The following LGALS14 variants were observed in gnomAD, a reference collection of about 807,000 sequenced individuals.
LGALS14 encodes galectin 14, also known as placental protein 13-like.
Under a neutral mutation model 14.6 loss-of-function variants are expected in LGALS14, and 14 were observed. That is an observed-to-expected ratio of 0.96 (90% CI 0.64 to 1.50). The LOEUF is 1.50. LGALS14 is among the 40% of genes most tolerant of loss of function. The pLI, the probability that LGALS14 is intolerant of heterozygous loss-of-function variation, is 0.00. For missense variants in LGALS14, 180 were observed against 172.0 expected, an observed-to-expected ratio of 1.05 and a Z score of -0.26; for synonymous variants, 57 against 63.9, an observed-to-expected ratio of 0.89 and a Z score of 0.51.
chr19:39,704,852 G>C (rs550495476), intron 1 of LGALS14, among the ~76,000 whole-genome samples: 1 of 152,170 alleles, frequency 6.6e-6, no homozygotes, highest in Non-Finnish European at 1.5e-5. Context: ...GTGTGAGTGA[G>C]TGTAAGGGGG....
chr19:39,706,156 G>T lies in LGALS14; in HGVS notation c.16-441G>T, dbSNP rs548166729. ...CATTTTCTGAGTTGAAAATAAGGCA[G>T]GTCAGTGTTTCAGGAGGACTCCCCT... On this transcript the variant is annotated intron_variant, in intron 1 of 3. Coordinates refer to ENST00000392052, the MANE Select transcript of LGALS14 (RefSeq NM_020129.3). 154 of 1,206,140 alleles carry T rather than the reference G, an allele frequency of 1.3e-4. No individual in the cohort carries two copies. In the Middle Eastern group the frequency reaches 3.4e-3, roughly 27 times the overall value. The allele number at this position is 1,206,140 out of a possible 1,614,324, so 74.7% of individuals were successfully genotyped here.
At chr19:39,709,096 G>T in intron 3 of LGALS14, 101 bp from the exon 4 acceptor site, 1 of 793,608 alleles carries the variant, frequency 1.3e-6, no homozygotes. Flanking sequence ...GTAACTAGGA[G>T]TTTTCATGGG....
chr19:39,705,909 T>C (rs1973707261), intron 1 of LGALS14: 4 of 1,613,406 alleles, frequency 2.5e-6, no homozygotes, highest in East Asian at 4.5e-5. Context: ...CCTCCAGTTA[T>C]GTCCCTGACC....
Position 39,709,426 on chromosome 19 carries a change from C to A in LGALS14, c.*113C>A, listed in dbSNP as rs1973766331. 1 of 662,610 alleles carries A rather than the reference C, an allele frequency of 1.5e-6. No individual in the cohort carries two copies. The allele number at this position is 662,610 out of a possible 1,614,324, so 41.0% of individuals were successfully genotyped here. A position where few individuals can be genotyped will look rare whatever the true frequency, so the allele number is the denominator to read the frequency against. The stretch of plus-strand genomic sequence containing the variant: ...CCTCACCCCTTCCCCTACACTTGAT[C>A]ATTAAAACAGCACCAAACTTCACAT... On this transcript the variant is annotated 3_prime_UTR_variant, in exon 4 of 4. Coordinates refer to ENST00000392052, the MANE Select transcript of LGALS14 (RefSeq NM_020129.3).
At chr19:39,707,144 G>C (rs772502347) in intron 2 of LGALS14, 34 bp from the exon 3 acceptor site, 2 of 1,521,696 alleles carry the variant, frequency 1.3e-6, no homozygotes, top group Non-Finnish European at 9.1e-7. Context: ...ACAATGGGGG[G>C]ACCTGCCCAA....
rs552362409 is a variant in LGALS14 at position 39,705,793 on chromosome 19, T to C, written c.16-804T>C. ...CCAGGAGTTCGATGTTTCAGTGAGCTGTGATTGCACCACTGCATATCAGCC... is the reference window on the plus strand; with the variant it reads ...CCAGGAGTTCGATGTTTCAGTGAGCCGTGATTGCACCACTGCATATCAGCC... On this transcript the variant is annotated intron_variant, in intron 1 of 3. Coordinates refer to ENST00000392052, the MANE Select transcript of LGALS14 (RefSeq NM_020129.3). 455 of 1,260,072 alleles carry C rather than the reference T, an allele frequency of 3.6e-4. 3 individuals carry two copies. The South Asian group carries it at 5.8e-3, about 16-fold the overall frequency. The allele number at this position is 1,260,072 out of a possible 1,614,324, so 78.1% of individuals were successfully genotyped here. A position where few individuals can be genotyped will look rare whatever the true frequency, so the allele number is the denominator to read the frequency against.
chr19:39,709,140 GGGC>G (rs1973760196), intron 3 of LGALS14, 54 bp from the exon 4 acceptor site: 1 of 1,048,978 alleles, frequency 9.5e-7, no homozygotes, highest in Non-Finnish European at 1.5e-6. Context: ...AGAAGAGAAA[GGGC>G]TGAAAACCTG....
Position 39,707,299 on chromosome 19 carries a change from T to A in LGALS14, c.214T>A (p.Trp72Arg), listed in dbSNP as rs149022147. ...AIMNSCVFGIWRYEEKCYYLP... is the reference protein window; with the variant it reads ...AIMNSCVFGIRRYEEKCYYLP... ...CATGAACAGTTGTGTGTTTGGCATA[T>A]GGAGATATGAGGAGAAATGCTACTA... Residue 72 changes from tryptophan (W) to arginine (R), a missense_variant, in exon 3 of 4, where the codon TGG becomes AGG. Trp to Arg is a moderately radical substitution (Grantham distance 101). Transcript: ENST00000392052. The A allele has an allele frequency of 1.2e-6, 2 of 1,614,116 alleles. No homozygotes were observed. The highest frequency in any genetic ancestry group is 1.7e-6 in the Non-Finnish European group (2 of 1,179,958).
At chr19:39,706,084 C>T in intron 1 of LGALS14, 4 of 1,576,832 alleles carry the variant, frequency 2.5e-6, no homozygotes, top group Non-Finnish European at 3.4e-6. Flanking sequence ...AGTGTTGTTT[C>T]TCACTGGAGT....
intron 1 of LGALS14, among the ~76,000 whole-genome samples, chr19:39,704,917 C>G (rs145624996): frequency 3.2e-4 from 48 of 152,228 alleles, no homozygotes; most frequent in African/African-American, 1.1e-3. Flanking sequence ...CACAGCCAGA[C>G]CAGTGCATGG....
intron 1 of LGALS14, 141 bp from the exon 2 acceptor site, chr19:39,706,456 G>T: frequency 1.5e-6 from 1 of 664,996 alleles, no homozygotes; most frequent in Admixed American, 2.5e-5. Context: ...GGAATATGGG[G>T]CCCTGACTGT....
At chr19:39,706,703 T>A in intron 2 of LGALS14, 30 bp downstream of exon 2, 1 of 1,516,036 alleles carries the variant, frequency 6.6e-7, no homozygotes, top group South Asian at 1.1e-5. Context: ...ATGGAGGGGG[T>A]GGAGGAGAGA....
chr19:39,709,094 G>C (rs577424255), intron 3 of LGALS14, 103 bp from the exon 4 acceptor site: 6 of 779,748 alleles, frequency 7.7e-6, no homozygotes, highest in Admixed American at 7.1e-5. Flanking sequence ...GTGTAACTAG[G>C]AGTTTTCATG....
chr19:39,705,880 T>A (rs1294534649), intron 1 of LGALS14: 1 of 1,611,558 alleles, frequency 6.2e-7, no homozygotes, highest in African/African-American at 1.3e-5. Flanking sequence ...CTTGCAGTCG[T>A]CGTAGAAATC....
intron 3 of LGALS14, 115 bp from the exon 4 acceptor site, chr19:39,709,082 T>C: frequency 7.9e-6 from 6 of 755,306 alleles, no homozygotes. Context: ...CTAGGTTCAC[T>C]TGTGTAACTA....
chr19:39,707,389 G>GT lies in LGALS14; in HGVS notation c.303+2dup. ...CTATGTGCGTCACAAGGAATACAAG[G>GT]TGAGTACTTCAGGATCTTCCAGCGC... On this transcript the variant is annotated splice_donor_variant, in intron 3 of 3. Transcript: ENST00000392052. LOFTEE classifies it high-confidence loss of function. 6.2e-7 allele frequency: 1 copy of GT among 1,613,086 alleles called. No individual in the cohort carries two copies. Among genetic ancestry groups the GT allele is most frequent in the Non-Finnish European group, 8.5e-7 (1 of 1,179,372 alleles).
chr19:39,706,761 AAAACTCTAGTTGGC>A, intron 2 of LGALS14, 88 bp downstream of exon 2: 1 of 1,165,936 alleles, frequency 8.6e-7, no homozygotes, highest in Non-Finnish European at 1.3e-6. Context: ...AGTGATGTGG[AAAACTCTAGTTGGC>A]ATAATGAAGG....
rs1973761349 is a variant in LGALS14, at chr19:39,709,192, T to G, written c.304-5T>G. The G allele has an allele frequency of 6.3e-7, 1 of 1,589,092 alleles. No individual in the cohort carries two copies. The highest frequency in any genetic ancestry group is 1.1e-5 in the South Asian group (1 of 90,602). ...TGTCTTTCTGATGCATTTTTCCTCTTGTAGGTAATGGTAAATGGCCAACGC... is the reference window on the plus strand; with the variant it reads ...TGTCTTTCTGATGCATTTTTCCTCTGGTAGGTAATGGTAAATGGCCAACGC... On this transcript the variant is annotated splice_polypyrimidine_tract_variant and splice_region_variant and intron_variant, in intron 3 of 3. Transcript: ENST00000392052.
At chr19:39,705,555 C>A (rs1973701190) in intron 1 of LGALS14, 1 of 201,020 alleles carries the variant, frequency 5.0e-6, no homozygotes, top group African/African-American at 2.3e-5. Context: ...CATTACTCAA[C>A]AAAGCAGCTG....
Sources: allele counts gnomAD v4.1 joint callset (sites outside exome capture counted in the v4.1 genomes callset), GRCh38; gene constraint gnomAD v4.1.1; transcripts MANE v1.5; gene names NCBI Gene and HGNC (gene_info 2026-07-23, HGNC 2026-07-21).